AMZ1: variants seen among roughly 807,000 people sequenced by gnomAD.
AMZ1 encodes the protein archaelysin family metallopeptidase 1.
A neutral mutation model predicts 29.9 loss-of-function variants in AMZ1; 39 were observed. That is an observed-to-expected ratio of 1.30 (90% CI 1.01 to 1.70). The LOEUF (loss-of-function observed/expected upper bound fraction) is 1.70. AMZ1 is among the 40% of genes most tolerant of loss of function. The pLI is 0.00. For synonymous variants in AMZ1, 458 were observed against 304.0 expected (o/e 1.51, Z -5.27); for missense variants, 1,041 against 680.6 (o/e 1.53, Z -5.89).
In AMZ1 at chr7:2,712,565, T is replaced by C; in HGVS notation, c.1184T>C (p.Leu395Pro). The C allele has an allele frequency of 2.5e-6, 4 of 1,610,978 alleles. No individual in the cohort carries two copies. The highest frequency in any genetic ancestry group is 3.4e-6 in the Non-Finnish European group (4 of 1,178,842). Residue 395 changes from leucine to proline, a missense_variant, in exon 7 of 7, where the codon CTG (leucine) becomes CCG (proline). Physicochemically the swap from Leu to Pro is moderately conservative, Grantham distance 98. Transcript: ENST00000683327. ...TACCTGGCAGCCTCAGAGGCTCCGC[T>C]GCCACCTGGGGGCCCTGCGGAGGCC... ...LSYLAASEAP[L>P]PPGGPAEAIK...
chr7:2,756,780 GGTTACTTTAAGTTA>G (rs1791319189), intron 4 of AMZ1, among the ~76,000 whole-genome samples: 1 of 152,130 alleles, frequency 6.6e-6, no homozygotes, highest in African/African-American at 2.4e-5. Context: ...TTTGTGATTT[GGTTACTTTAAGTTA>G]GTCAAAGAGG....
intron 4 of AMZ1, among the ~76,000 whole-genome samples, chr7:2,725,379 G>A (rs1355511583): frequency 6.6e-6 from 1 of 152,226 alleles, no homozygotes; most frequent in Non-Finnish European, 1.5e-5. Context: ...TGCTTCCAGG[G>A]AGCAGTGACC....
intron 2 of AMZ1, chr7:2,702,419 G>A (rs1046946903): frequency 6.1e-5 from 23 of 374,324 alleles, no homozygotes; most frequent in African/African-American, 1.9e-4. Context: ...AGTGCCTGGC[G>A]CTAACCCTAG....
chr7:2,689,443 G>T (rs886974925), intron 1 of AMZ1, among the ~76,000 whole-genome samples: 1 of 152,170 alleles, frequency 6.6e-6, no homozygotes, highest in African/African-American at 2.4e-5. Context: ...AAGGAGAAGC[G>T]TCTGAGTTTA....
At chr7:2,734,813 G>C (rs538970600) in intron 4 of AMZ1, among the ~76,000 whole-genome samples, 1 of 152,296 alleles carries the variant, frequency 6.6e-6, no homozygotes, top group South Asian at 2.1e-4. Flanking sequence ...TGGCAGGACG[G>C]GGCGAGCACG....
intron 1 of AMZ1, among the ~76,000 whole-genome samples, chr7:2,696,517 A>C (rs571234203): frequency 2.0e-5 from 3 of 149,376 alleles, no homozygotes; most frequent in Non-Finnish European, 3.0e-5. Flanking sequence ...TGGGCCTCCC[A>C]AAGTGCTGTG....
At chr7:2,743,092 G>A (rs556963304) in intron 4 of AMZ1, among the ~76,000 whole-genome samples, 1 of 152,280 alleles carries the variant, frequency 6.6e-6, no homozygotes, top group Admixed American at 6.5e-5. Context: ...GGGTAAGGTG[G>A]GAACACTCCA....
At chr7:2,701,791 G>T (rs1443950572) in intron 2 of AMZ1, among the ~76,000 whole-genome samples, 3 of 152,220 alleles carry the variant, frequency 2.0e-5, no homozygotes, top group African/African-American at 7.2e-5. Context: ...ACCAGCCCTG[G>T]TGGTCCACGC....
At chr7:2,719,928 G>A (rs112009205), downstream of AMZ1, among the ~76,000 whole-genome samples, 1 of 152,062 alleles carries the variant, frequency 6.6e-6, no homozygotes, top group Admixed American at 6.6e-5. Flanking sequence ...TGATCCACCC[G>A]CCTTGGCCTC....
chr7:2,729,468 A>T (rs1789774426), intron 4 of AMZ1: 2 of 152,520 alleles, frequency 1.3e-5, no homozygotes, highest in Admixed American at 6.5e-5. Context: ...CAAGCCCAGC[A>T]AACACTGACA....
In AMZ1 at chr7:2,717,473, C is replaced by T. The variant is rs193183847; in HGVS notation, c.*4595C>T. Reference sequence around the variant, plus strand: ...GGCTCGCCCTGTACCCAAGGGCTCTCTGGAGCTCACCCCGCACGCAGGCTG... The same window carrying T: ...GGCTCGCCCTGTACCCAAGGGCTCTTTGGAGCTCACCCCGCACGCAGGCTG... On this transcript the variant is annotated 3_prime_UTR_variant, in exon 7 of 7. Transcript: ENST00000683327. 6.6e-6 allele frequency among the ~76,000 whole-genome samples: 1 copy of T among 152,348 alleles called. No individual in the cohort carries two copies. Among genetic ancestry groups the T allele is most frequent in the African/African-American group, 2.4e-5 (1 of 41,580 alleles).
At chr7:2,693,756 C>G (rs940907647) in intron 1 of AMZ1, among the ~76,000 whole-genome samples, 1 of 152,144 alleles carries the variant, frequency 6.6e-6, no homozygotes, top group Non-Finnish European at 1.5e-5. Context: ...AGGGTTTCAC[C>G]GTGTTAGCCA....
chr7:2,724,398 C>G (rs933023491), downstream of AMZ1, among the ~76,000 whole-genome samples: 1 of 152,232 alleles, frequency 6.6e-6, no homozygotes, highest in Non-Finnish European at 1.5e-5. Context: ...CTTTTAAAAT[C>G]ACAGAATGAA....
At chr7:2,687,325 T>C (rs564097379), upstream of AMZ1, among the ~76,000 whole-genome samples, 316 of 142,984 alleles carry the variant, frequency 2.2e-3, 2 homozygotes, top group Non-Finnish European at 4.2e-3. Context: ...AGACTCCATC[T>C]AAAAAAAAAA....
At chr7:2,723,929 G>C (rs1789524488), downstream of AMZ1, among the ~76,000 whole-genome samples, 1 of 151,892 alleles carries the variant, frequency 6.6e-6, no homozygotes, top group East Asian at 1.9e-4. Flanking sequence ...TTTTTTTTGA[G>C]ACAGTCTTGC....
intron 1 of AMZ1, among the ~76,000 whole-genome samples, chr7:2,699,709 C>G (rs1048605814): frequency 1.3e-5 from 2 of 152,050 alleles, no homozygotes; most frequent in Non-Finnish European, 2.9e-5. Flanking sequence ...GAACCCCAGG[C>G]GATGGGGGGA....
intron 4 of AMZ1, among the ~76,000 whole-genome samples, chr7:2,737,660 G>A (rs921547426): frequency 8.5e-5 from 13 of 152,260 alleles, no homozygotes; most frequent in African/African-American, 2.2e-4. Context: ...CACTGTGACC[G>A]AAAACAGGGC....
chr7:2,744,887 G>A (rs965462853), intron 4 of AMZ1, among the ~76,000 whole-genome samples: 8 of 152,208 alleles, frequency 5.3e-5, no homozygotes, highest in Non-Finnish European at 7.3e-5. Flanking sequence ...AGCCTCAGGA[G>A]CCGATGCGAT....
Position 2,731,949 on chromosome 7 carries a change from C to T in AMZ1, n.550+22133C>T, listed in dbSNP as rs545889409. Among the ~76,000 whole-genome samples the T allele has an allele frequency of 4.6e-5, 7 of 152,328 alleles. No homozygotes were observed. The highest frequency in any genetic ancestry group is 2.1e-4 in the South Asian group (1 of 4,824). On this transcript the variant is annotated intron_variant and non_coding_transcript_variant, in intron 4 of 4. Coordinates refer to the AMZ1 transcript ENST00000489665. The surrounding 1 kb of genome is among the most constrained non-coding windows in gnomAD (Gnocchi z 6.0). ...AAGAATCAAATACTTCATTTCAAAA[C>T]GAACGGAGGCTCACCAGTCTGAGGA...
Sources: allele counts gnomAD v4.1 joint callset (sites outside exome capture counted in the v4.1 genomes callset), GRCh38; gene constraint gnomAD v4.1.1; non-coding constraint Gnocchi (gnomAD v3.1); transcripts MANE v1.5; gene names NCBI Gene and HGNC (gene_info 2026-07-23, HGNC 2026-07-21).